CAMK2D: variants seen among roughly 807,000 people sequenced by gnomAD.
CAMK2D encodes calcium/calmodulin-dependent protein kinase type II subunit delta.
A neutral mutation model predicts 84.0 loss-of-function variants in CAMK2D; 37 were observed. The observed-to-expected ratio is 0.44, with a 90% CI of 0.34 to 0.58. CAMK2D has a LOEUF of 0.58. CAMK2D is among the 20% of genes least tolerant of loss of function. CAMK2D has a pLI of 0.02. For synonymous variants in CAMK2D, 202 were observed against 212.5 expected, an observed-to-expected ratio of 0.95 and a Z score of 0.43; for missense variants, 448 against 652.5, an observed-to-expected ratio of 0.69 and a Z score of 3.41.
intron 3 of CAMK2D, among the ~76,000 whole-genome samples, chr4:113,649,754 G>A (rs10488960): frequency 0.065 from 9,916 of 152,156 alleles, 399 homozygotes; most frequent in Non-Finnish European, 0.088. Flanking sequence ...CAGAGTTAGC[G>A]CTATTCAACT....
rs2154313649 is a variant in CAMK2D at position 113,661,593 on chromosome 4, T to A, written c.220+120A>T. 6 of 496,342 alleles carry A rather than the reference T, an allele frequency of 1.2e-5. No individual in the cohort carries two copies. In the East Asian group the frequency reaches 1.9e-4, roughly 16 times the overall value. The allele number at this position is 496,342 out of a possible 1,614,324, so 30.7% of individuals were successfully genotyped here. On this transcript the variant is annotated intron_variant, in intron 3 of 20. Transcript: ENST00000511664. ...TATCAAATGTAACCAAGATTGAAAGTTAGGAACCTATTTTTTAAAAGTTAT... is the reference window on the plus strand; with the variant it reads ...TATCAAATGTAACCAAGATTGAAAGATAGGAACCTATTTTTTAAAAGTTAT...
chr4:113,489,984 GGGTT>G (rs2097811392), intron 16 of CAMK2D, among the ~76,000 whole-genome samples: 1 of 150,640 alleles, frequency 6.6e-6, no homozygotes, highest in African/African-American at 2.4e-5. Flanking sequence ...CTTTTTGATG[GGGTT>G]GTTTGTTTTT....
chr4:113,611,772 C>G (rs2099001396), intron 3 of CAMK2D, among the ~76,000 whole-genome samples: 1 of 152,102 alleles, frequency 6.6e-6, no homozygotes, highest in Admixed American at 6.6e-5. Flanking sequence ...ACACATGATA[C>G]AAAAGCACTT....
Position 113,537,384 on chromosome 4 carries a change from A to C in CAMK2D, c.474T>G (p.Phe158Leu). 6.2e-7 allele frequency: 1 copy of C among 1,613,404 alleles called. No homozygotes were observed. The highest frequency in any genetic ancestry group is 2.2e-5 in the East Asian group (1 of 44,878). ...CCCCTTGAACTTCTATGGCTAAGCC[A>C]AAGTCTGCCAATTTCACAGCTGCTC... The part of the protein sequence containing the change: ...SKGAAVKLAD[F>L]GLAIEVQGDQ... The change falls in exon 7 of 21, where the codon TTT (phenylalanine) becomes TTG (leucine). Residue 158 changes from phenylalanine (F) to leucine (L), a missense_variant. Transcript: ENST00000511664.
At chr4:113,526,250 C>A (rs1366970541) in intron 8 of CAMK2D, among the ~76,000 whole-genome samples, 1 of 152,152 alleles carries the variant, frequency 6.6e-6, no homozygotes, top group Non-Finnish European at 1.5e-5. Flanking sequence ...ATTGGTGGCA[C>A]ATACATGCTC....
chr4:113,574,903 C>T (rs958638934), intron 4 of CAMK2D, among the ~76,000 whole-genome samples: 1 of 152,182 alleles, frequency 6.6e-6, no homozygotes, highest in Non-Finnish European at 1.5e-5. Context: ...TTGAGAACTC[C>T]AGGAGGTCTT....
intron 16 of CAMK2D, among the ~76,000 whole-genome samples, chr4:113,497,658 A>G (rs1266642910): frequency 2.0e-5 from 3 of 152,152 alleles, no homozygotes; most frequent in Non-Finnish European, 4.4e-5. Flanking sequence ...CAGCAACTCC[A>G]TGTTTCTTTA....
intron 3 of CAMK2D, among the ~76,000 whole-genome samples, chr4:113,613,275 A>G (rs1317816997): frequency 2.6e-5 from 4 of 152,140 alleles, no homozygotes; most frequent in Admixed American, 1.3e-4. Context: ...ACAGCAAGTA[A>G]TTGGCCTGGC....
intron 3 of CAMK2D, among the ~76,000 whole-genome samples, chr4:113,652,480 T>C (rs910684530): frequency 5.9e-5 from 9 of 152,166 alleles, no homozygotes; most frequent in African/African-American, 1.9e-4. Context: ...AAAAGAGGAA[T>C]GATTTTTAAG....
intron 3 of CAMK2D, among the ~76,000 whole-genome samples, chr4:113,625,168 C>T (rs2099062255): frequency 6.6e-6 from 1 of 152,110 alleles, no homozygotes; most frequent in Non-Finnish European, 1.5e-5. Flanking sequence ...AGACAGGGAG[C>T]AGGCACTCAA....
chr4:113,570,688 T>C (rs2154220355), intron 4 of CAMK2D, among the ~76,000 whole-genome samples: 1 of 152,212 alleles, frequency 6.6e-6, no homozygotes, highest in East Asian at 1.9e-4. Context: ...TTTAAAACTG[T>C]AAAACTACTA....
chr4:113,486,317 G>T (rs907060594), intron 16 of CAMK2D, among the ~76,000 whole-genome samples: 1 of 151,896 alleles, frequency 6.6e-6, no homozygotes, highest in African/African-American at 2.4e-5. Flanking sequence ...TAGAGATGGG[G>T]TCTTGTTATA....
chr4:113,760,106 C>T (rs926545401), intron 1 of CAMK2D, among the ~76,000 whole-genome samples: 2 of 152,078 alleles, frequency 1.3e-5, no homozygotes, highest in African/African-American at 4.8e-5. Context: ...ACAGTCGAAA[C>T]TAGTGAAAGA....
chr4:113,633,710 A>G (rs1291399081), intron 3 of CAMK2D, among the ~76,000 whole-genome samples: 5 of 152,160 alleles, frequency 3.3e-5, no homozygotes, highest in Non-Finnish European at 5.9e-5. Context: ...GATACCTGGC[A>G]TGCAGTACCA....
intron 2 of CAMK2D, among the ~76,000 whole-genome samples, chr4:113,709,752 T>G (rs1213273663): frequency 5.4e-5 from 5 of 93,144 alleles, no homozygotes; most frequent in South Asian, 3.5e-4. Flanking sequence ...GAACGATATA[T>G]ATATATATAT....
chr4:113,665,918 C>G (rs532827832), intron 2 of CAMK2D, among the ~76,000 whole-genome samples: 1 of 152,270 alleles, frequency 6.6e-6, no homozygotes, highest in East Asian at 1.9e-4. Flanking sequence ...AGTAGAAAGA[C>G]TTTTGGATTT....
At chr4:113,616,685 A>C (rs923492381) in intron 3 of CAMK2D, among the ~76,000 whole-genome samples, 2 of 152,224 alleles carry the variant, frequency 1.3e-5, no homozygotes, top group Non-Finnish European at 2.9e-5. Context: ...CTTTTGCTTG[A>C]AAGAAAAACG....
intron 16 of CAMK2D, among the ~76,000 whole-genome samples, chr4:113,488,074 T>C (rs1224740854): frequency 1.3e-5 from 2 of 151,838 alleles, no homozygotes; most frequent in Admixed American, 1.3e-4. Context: ...TTAAAAAAAG[T>C]GATAAAGCCA....
rs1424088459 is a variant in CAMK2D, at chr4:113,698,510, A to C, written c.161-36738T>G. Among the ~76,000 whole-genome samples the C allele has an allele frequency of 3.9e-5, 6 of 152,228 alleles. No individual in the cohort carries two copies. The East Asian group carries it at 5.8e-4, about 15-fold the overall frequency. On this transcript the variant is annotated intron_variant, in intron 2 of 20. Coordinates refer to ENST00000511664, the MANE Select transcript of CAMK2D (RefSeq NM_001321571.2). ...TCTGGTCCATTGTAAGAACTCAATA[A>C]AATGTTAGCTATCCTCATTATTATT...
Sources: gnomAD v4.1 joint callset for allele counts (sites outside exome capture counted in the v4.1 genomes callset) on GRCh38, gnomAD v4.1.1 for gene constraint, MANE v1.5 for transcripts, NCBI Gene and HGNC (gene_info 2026-07-23, HGNC 2026-07-21) for gene names.